The following ELL variants were observed in gnomAD, a reference collection of about 807,000 sequenced individuals.
ELL encodes elongation factor for RNA polymerase II.
In ELL, 18 loss-of-function variants were observed where a neutral mutation model predicts 64.0. The observed-to-expected ratio is 0.28, with a 90% CI of 0.19 to 0.42. The LOEUF is 0.42. ELL is among the 10% of genes least tolerant of loss of function. The pLI, the probability that ELL is intolerant of heterozygous loss-of-function variation, is 1.00. For synonymous variants in ELL, 399 were observed against 376.2 expected, an observed-to-expected ratio of 1.06 and a Z score of -0.70; for missense variants, 797 against 870.4, an observed-to-expected ratio of 0.92 and a Z score of 1.06.
chr19:18,460,414 C>A (rs1974780715), intron 5 of ELL, among the ~76,000 whole-genome samples: 1 of 152,242 alleles, frequency 6.6e-6, no homozygotes, highest in Non-Finnish European at 1.5e-5. Context: ...TCCCAGGAGG[C>A]ACTGAACCAA....
intron 4 of ELL, 21 bp from the exon 5 acceptor site, chr19:18,461,873 T>G: frequency 1.2e-6 from 2 of 1,603,488 alleles, no homozygotes; most frequent in Non-Finnish European, 1.7e-6. Context: ...AATCCAAGCT[T>G]TAGGGAACAG....
At chr19:18,451,172 G>A (rs927690028) in intron 7 of ELL, among the ~76,000 whole-genome samples, 197 bp from the exon 8 acceptor site, 2 of 152,212 alleles carry the variant, frequency 1.3e-5, no homozygotes, top group Non-Finnish European at 2.9e-5. Flanking sequence ...TGCTGGGATC[G>A]ATGCAGGGGG....
intron 1 of ELL, among the ~76,000 whole-genome samples, chr19:18,509,437 T>G (rs1037670379): frequency 3.3e-5 from 5 of 151,808 alleles, no homozygotes; most frequent in Non-Finnish European, 7.4e-5. Context: ...GAGTCACCCT[T>G]CCGAAAGAAG....
At chr19:18,453,152 T>A (rs1223312386) in intron 6 of ELL, among the ~76,000 whole-genome samples, 1 of 152,162 alleles carries the variant, frequency 6.6e-6, no homozygotes, top group Non-Finnish European at 1.5e-5. Context: ...TGGGCACCTG[T>A]AACCTCAATT....
intron 4 of ELL, among the ~76,000 whole-genome samples, chr19:18,462,179 A>AGTGTGTGTGTGTGT (rs758119031): frequency 3.7e-4 from 44 of 120,112 alleles, no homozygotes; most frequent in Non-Finnish European, 6.3e-4. Context: ...TCTGGTGGGC[A>AGTGTGTGTGTGTGT]GTGTGTGTGT....
At chr19:18,521,720 T>A (rs1329360464) in intron 1 of ELL, among the ~76,000 whole-genome samples, 2 of 151,950 alleles carry the variant, frequency 1.3e-5, no homozygotes, top group Non-Finnish European at 2.9e-5. Context: ...CCGCCTGTAT[T>A]GCCTCCTAGT....
In ELL at chr19:18,461,809, G is replaced by A. The variant is rs148117239; in HGVS notation, c.513C>T (p.Asp171=). Residue 171 remains aspartate, a synonymous_variant, in exon 5 of 12, where the codon GAC becomes GAT. Transcript: ENST00000262809. ...QFRKPAPGAT[D]AVPSRKRATP... is the part of the protein sequence containing the mutation. Reference sequence around the variant, plus strand: ...TTGCCCGCTTCCGGGAGGGCACCGCGTCTGTTGCACCTGGGGCTGGTTTCC... The same window carrying A: ...TTGCCCGCTTCCGGGAGGGCACCGCATCTGTTGCACCTGGGGCTGGTTTCC... 2.8e-5 allele frequency: 45 copies of A among 1,613,968 alleles called. No individual in the cohort carries two copies. Among genetic ancestry groups the A allele is most frequent in the Non-Finnish European group, 2.4e-5 (28 of 1,179,976 alleles).
intron 1 of ELL, among the ~76,000 whole-genome samples, chr19:18,492,226 T>G (rs1975548078): frequency 6.6e-6 from 1 of 152,276 alleles, no homozygotes; most frequent in South Asian, 2.1e-4. Context: ...GGAGGCCACA[T>G]TCGGTGACCT....
At chr19:18,463,967 C>T (rs1033204965) in intron 4 of ELL, among the ~76,000 whole-genome samples, 48 of 147,252 alleles carry the variant, frequency 3.3e-4, no homozygotes, top group Admixed American at 1.3e-3. Flanking sequence ...GCCTGGGCGA[C>T]AGACCGCGAC....
Position 18,501,997 on chromosome 19 carries a change from G to A in ELL, c.135+19924C>T, listed in dbSNP as rs1463050993. Among the ~76,000 whole-genome samples the A allele has an allele frequency of 2.0e-5, 3 of 152,148 alleles. No individual in the cohort carries two copies. The highest frequency in any genetic ancestry group is 2.9e-5 in the Non-Finnish European group (2 of 68,026). ...GGTGGTTTGGGGTCAGAAGACACAC[G>A]ATCAGGAACCAGGCGTCACCCCCAG... On this transcript the variant is annotated intron_variant, in intron 1 of 11. Transcript: ENST00000262809. This position sits in a 1 kb window ranked among gnomAD's most constrained non-coding sequence, Gnocchi z 4.5.
intron 1 of ELL, among the ~76,000 whole-genome samples, chr19:18,518,136 C>T (rs1018801454): frequency 1.5e-4 from 23 of 150,622 alleles, no homozygotes; most frequent in African/African-American, 5.4e-4. Flanking sequence ...TGCAGTGAGC[C>T]AAGATAACAC....
chr19:18,494,669 G>A (rs1353293953), intron 1 of ELL, among the ~76,000 whole-genome samples: 5 of 152,148 alleles, frequency 3.3e-5, no homozygotes, highest in African/African-American at 9.7e-5. Context: ...GGGATTGCAG[G>A]CATATGAGCC....
At chr19:18,445,345 G>A in intron 10 of ELL, 77 bp from the exon 11 acceptor site, 1 of 1,416,856 alleles carries the variant, frequency 7.1e-7, no homozygotes, top group East Asian at 2.3e-5. Flanking sequence ...GGTCCCAGGT[G>A]CTCTGAGAAG....
intron 2 of ELL, 183 bp downstream of exon 2, chr19:18,472,652 C>T (rs968453073): frequency 1.2e-5 from 8 of 677,832 alleles, no homozygotes; most frequent in African/African-American, 5.5e-5. Flanking sequence ...GACGTGCACC[C>T]GACACGTCCT....
rs1975779767 is a variant in ELL, at chr19:18,501,528, G to A, written c.135+20393C>T. ...TGGAGTGAGGGGCCACTGGCAGAAG[G>A]GAGCAAGACACTGGTCCACGGCACA... On this transcript the variant is annotated intron_variant, in intron 1 of 11. Transcript: ENST00000262809. The surrounding 1 kb of genome is among the most constrained non-coding windows in gnomAD (Gnocchi z 4.5). 1.3e-5 allele frequency among the ~76,000 whole-genome samples: 2 copies of A among 152,166 alleles called. No individual in the cohort carries two copies. Among genetic ancestry groups the A allele is most frequent in the African/African-American group, 4.8e-5 (2 of 41,440 alleles).
chr19:18,464,495 C>T (rs1974895741), intron 4 of ELL, among the ~76,000 whole-genome samples: 1 of 147,740 alleles, frequency 6.8e-6, no homozygotes. Flanking sequence ...GGCCATACAA[C>T]ATGTCCACCC....
chr19:18,462,596 G>A (rs1184220440), intron 4 of ELL, among the ~76,000 whole-genome samples: 1 of 151,692 alleles, frequency 6.6e-6, no homozygotes, highest in East Asian at 1.9e-4. Context: ...TGCCCAGACT[G>A]GTCTCAAACT....
At chr19:18,468,064 A>G (rs1280154413) in intron 2 of ELL, among the ~76,000 whole-genome samples, 1 of 137,914 alleles carries the variant, frequency 7.3e-6, no homozygotes, top group Non-Finnish European at 1.6e-5. Flanking sequence ...CCACACACAA[A>G]CCCCTCCACA....
At chr19:18,486,005 C>A (rs943287382) in intron 1 of ELL, among the ~76,000 whole-genome samples, 68 of 151,434 alleles carry the variant, frequency 4.5e-4, no homozygotes, top group East Asian at 3.7e-3. Context: ...AAAAAGAAAG[C>A]AAGCTACGGG....
Sources: gnomAD v4.1 joint callset for allele counts (sites outside exome capture counted in the v4.1 genomes callset) on GRCh38, gnomAD v4.1.1 for gene constraint, Gnocchi (gnomAD v3.1) non-coding constraint, MANE v1.5 for transcripts, NCBI Gene and HGNC (gene_info 2026-07-23, HGNC 2026-07-21) for gene names.